Variants in DEAF1 observed in about 807,000 individuals in gnomAD.
DEAF1 encodes DEAF1 transcription factor, also known as deformed epidermal autoregulatory factor 1 homolog.
DEAF1 carries 53 observed loss-of-function variants against 58.9 expected under a neutral mutation model. The observed-to-expected ratio is 0.90, with a 90% CI of 0.72 to 1.13. The LOEUF is 1.13. Among genes scored for constraint, DEAF1 ranks in the 50% most tolerant of loss-of-function variants. The pLI is 0.00. For synonymous variants in DEAF1, 385 were observed against 340.4 expected, an observed-to-expected ratio of 1.13 and a Z score of -1.44; for missense variants, 685 against 791.4, an observed-to-expected ratio of 0.87 and a Z score of 1.61.
intron 6 of DEAF1, among the ~76,000 whole-genome samples, chr11:684,121 CTCTT>C (rs1564947643): frequency 1.0e-5 from 1 of 96,990 alleles, no homozygotes; most frequent in Non-Finnish European, 2.1e-5. Flanking sequence ...TCTCTCCATG[CTCTT>C]TTTTTTTTTT....
chr11:674,596 G>A lies in DEAF1; in HGVS notation c.1443C>T (p.Ser481=). Reference sequence around the variant, plus strand: ...GGTTTGTGGCAGCTTCTCGGTAGGTGCTGGCATGCTTGGCTTGCTCAAACA... The same window carrying A: ...GGTTTGTGGCAGCTTCTCGGTAGGTACTGGCATGCTTGGCTTGCTCAAACA... ...KTLFEQAKHA[S]TYREAATNQA... The change falls in exon 10 of 12, where the codon AGC becomes AGT. Residue 481 remains serine (S), a synonymous_variant. Transcript: ENST00000382409. The A allele has an allele frequency of 1.2e-6, 2 of 1,614,170 alleles. No homozygotes were observed. Among genetic ancestry groups the A allele is most frequent in the Admixed American group, 1.7e-5 (1 of 60,028 alleles).
At position 694,870 on chromosome 11, in the gene DEAF1, T is replaced by C; in HGVS notation, c.178A>G (p.Thr60Ala). Reference protein sequence around the residue: ...EDADSEAERETPRVTAVAVMA... With the variant: ...EDADSEAEREAPRVTAVAVMA... ...ACCGCCACTGCCGTGACCCGCGGCG[T>C]CTCCCGCTCCGCCTCCGAGTCTGCG... Residue 60 changes from threonine to alanine, a missense_variant, in exon 1 of 12, where the codon ACG becomes GCG. Physicochemically the swap from Thr to Ala is moderately conservative, Grantham distance 58. This residue lies in a region of DEAF1 where 210 missense variants were observed against 177.3 expected (regional missense o/e 1.18). Transcript: ENST00000382409. The C allele has an allele frequency of 6.7e-7, 1 of 1,499,362 alleles. No homozygotes were observed. 92.9% of individuals were successfully genotyped at this position (1,499,362 alleles called of 1,614,324 possible). A position where few individuals can be genotyped will look rare whatever the true frequency, so the allele number is the denominator to read the frequency against.
At chr11:653,370 C>G (rs371891536) in intron 11 of DEAF1, among the ~76,000 whole-genome samples, 3 of 143,282 alleles carry the variant, frequency 2.1e-5, no homozygotes, top group Admixed American at 7.1e-5. Flanking sequence ...TGTGGACGCT[C>G]TCTCTCGCGT....
intron 1 of DEAF1, among the ~76,000 whole-genome samples, chr11:693,197 C>T (rs1028897340): frequency 7.2e-5 from 11 of 152,204 alleles, no homozygotes; most frequent in African/African-American, 2.7e-4. Context: ...TGATGAACAG[C>T]ATCATTTTTC....
At chr11:661,602 C>T (rs1450449156) in intron 10 of DEAF1, among the ~76,000 whole-genome samples, 1 of 152,018 alleles carries the variant, frequency 6.6e-6, no homozygotes, top group Non-Finnish European at 1.5e-5. Context: ...CCCAGCTACT[C>T]GGGAGGCTGA....
intron 1 of DEAF1, among the ~76,000 whole-genome samples, chr11:692,578 C>T (rs928173594): frequency 1.1e-4 from 17 of 152,226 alleles, no homozygotes; most frequent in South Asian, 6.2e-4. Context: ...TGCAGCCGGG[C>T]GCGGTGGCTC....
exon 1 of DEAF1, among the ~76,000 whole-genome samples, chr11:707,076 G>C (rs1564967234): frequency 6.6e-6 from 1 of 152,016 alleles, no homozygotes; most frequent in Non-Finnish European, 1.5e-5. Flanking sequence ...TCCTGGGTCG[G>C]CTGTGCTGGG....
chr11:676,498 G>A (rs1030741622), intron 9 of DEAF1, among the ~76,000 whole-genome samples: 4 of 151,248 alleles, frequency 2.6e-5, no homozygotes, highest in African/African-American at 7.3e-5. Flanking sequence ...CAGAATCAGC[G>A]CCGTGGACAA....
chr11:703,677 C>G, intron 1 of DEAF1: 1 of 1,232,424 alleles, frequency 8.1e-7, no homozygotes, highest in Non-Finnish European at 1.0e-6. Context: ...AACCCCAGCT[C>G]TGCCTCACAG....
At chr11:704,710 A>C in intron 1 of DEAF1, 3 of 1,223,190 alleles carry the variant, frequency 2.5e-6, no homozygotes, top group Non-Finnish European at 3.2e-6. Context: ...TCCACAGGGA[A>C]CGCCATGGCT....
chr11:667,391 AGAGGGAGG>A (rs137990372), intron 10 of DEAF1, among the ~76,000 whole-genome samples: 3 of 100,672 alleles, frequency 3.0e-5, no homozygotes, highest in Admixed American at 1.2e-4. Context: ...AAGGAAGGAG[AGAGGGAGG>A]GAGGGAGGGA....
intron 5 of DEAF1, among the ~76,000 whole-genome samples, chr11:685,195 A>G (rs1002626267): frequency 2.8e-5 from 4 of 143,022 alleles, no homozygotes; most frequent in African/African-American, 1.1e-4. Context: ...AGCAATTCTC[A>G]TGCCTCGGCC....
At chr11:648,785 T>C (rs1305272551) in intron 11 of DEAF1, among the ~76,000 whole-genome samples, 1 of 152,086 alleles carries the variant, frequency 6.6e-6, no homozygotes, top group Non-Finnish European at 1.5e-5. Flanking sequence ...ATAACAACTT[T>C]AAAGATACTG....
intron 1 of DEAF1, chr11:692,497 G>C (rs765774071): frequency 1.3e-5 from 2 of 153,072 alleles, no homozygotes; most frequent in Non-Finnish European, 2.9e-5. Flanking sequence ...ATGCTTAAAA[G>C]ATACTGGTTG....
At chr11:692,750 G>A (rs1054198352) in intron 1 of DEAF1, among the ~76,000 whole-genome samples, 1 of 152,136 alleles carries the variant, frequency 6.6e-6, no homozygotes, top group African/African-American at 2.4e-5. Flanking sequence ...TACTCGGGAG[G>A]CTGAGGCAGG....
chr11:654,809 C>T (rs760263018), intron 10 of DEAF1, among the ~76,000 whole-genome samples: 1 of 151,264 alleles, frequency 6.6e-6, no homozygotes. Context: ...GCGGAGGTTG[C>T]AGTGAACCGA....
chr11:670,442 C>T (rs1377269011), intron 10 of DEAF1, among the ~76,000 whole-genome samples: 6 of 146,292 alleles, frequency 4.1e-5, no homozygotes, highest in South Asian at 2.1e-4. Context: ...TGGCCAGGTG[C>T]GGTGGCTCAC....
At chr11:687,803 C>G in intron 4 of DEAF1, 108 bp downstream of exon 4, 1 of 1,497,156 alleles carries the variant, frequency 6.7e-7, no homozygotes, top group East Asian at 2.3e-5. Flanking sequence ...GCCCTGTCTT[C>G]TTAACTAGTT....
At chr11:698,815 G>T, upstream of DEAF1, 1 of 1,611,580 alleles carries the variant, frequency 6.2e-7, no homozygotes. Context: ...AGCGAGACCC[G>T]GGAAAGCATC....
Sources: allele counts gnomAD v4.1 joint callset (sites outside exome capture counted in the v4.1 genomes callset), GRCh38; gene constraint gnomAD v4.1.1; regional missense constraint gnomAD v4.1.1; transcripts MANE v1.5; gene names NCBI Gene and HGNC (gene_info 2026-07-23, HGNC 2026-07-21).